PRH1: variants seen among roughly 807,000 people sequenced by gnomAD.
PRH1 encodes the protein salivary acidic proline-rich phosphoprotein 1/2.
In PRH1, 7 loss-of-function variants were observed where a neutral mutation model predicts 7.9. The ratio of observed to expected loss-of-function variants is 0.89; its 90% CI spans 0.50 to 1.67. The LOEUF is 1.67. Among genes scored for constraint, PRH1 ranks in the 40% most tolerant of loss-of-function variants. PRH1 has a pLI of 0.00. For synonymous variants in PRH1, 45 were observed against 80.8 expected (o/e 0.56, Z 2.38); for missense variants, 109 against 223.6 (o/e 0.49, Z 3.27).
chr12:11,066,544 T>C (rs1427543535), intron 1 of PRH1, among the ~76,000 whole-genome samples: 6 of 126,894 alleles, frequency 4.7e-5, no homozygotes, highest in African/African-American at 1.4e-4. Flanking sequence ...TTTACTCCTG[T>C]AACTTTCCCA....
rs867727915 is a variant in PRH1, at chr12:11,148,681, C to T, written n.39+22741G>A. ...AAGCTTTTTGATGTGCTGCTGGATT[C>T]GGTTTGCCAGTATTTTATTGAGGAT... On this transcript the variant is annotated intron_variant and non_coding_transcript_variant, in intron 1 of 1. Coordinates refer to the PRH1 transcript ENST00000541175. 1.0e-4 allele frequency among the ~76,000 whole-genome samples: 12 copies of T among 116,366 alleles called. 1 individual carries two copies. Among genetic ancestry groups the T allele is most frequent in the South Asian group, 2.4e-4 (1 of 4,120 alleles). The allele number at this position is 116,366 out of a possible 152,430, so 76.3% of individuals were successfully genotyped here.
intron 2 of PRH1, among the ~76,000 whole-genome samples, chr12:10,947,374 T>C (rs567036795): frequency 1.3e-5 from 2 of 152,330 alleles, no homozygotes; most frequent in East Asian, 1.9e-4. Context: ...TTTACCATTA[T>C]GTTATATCCT....
rs775547728 is a variant in PRH1, at chr12:11,133,461, T to A, written n.40-12281A>T. ...CTGAATATAATAGCTTGGCAGAACA[T>A]GAAGACAGGTTGCTTTTCCAGCCTC... On this transcript the variant is annotated intron_variant and non_coding_transcript_variant, in intron 1 of 1. Transcript: ENST00000541175. The A allele has an allele frequency of 1.2e-6, 2 of 1,614,088 alleles. No homozygotes were observed. The highest frequency in any genetic ancestry group is 1.7e-6 in the Non-Finnish European group (2 of 1,179,956).
chr12:10,958,335 A>G (rs1392497863), intron 2 of PRH1, among the ~76,000 whole-genome samples: 5 of 152,166 alleles, frequency 3.3e-5, no homozygotes, highest in African/African-American at 7.2e-5. Context: ...GTTCTCACTT[A>G]TAAGTGGGTG....
chr12:10,968,608 A>T (rs1261687501), intron 2 of PRH1, among the ~76,000 whole-genome samples: 1 of 152,236 alleles, frequency 6.6e-6, no homozygotes, highest in Non-Finnish European at 1.5e-5. Context: ...CCTTTGATGG[A>T]GGACATTTCC....
intron 1 of PRH1, among the ~76,000 whole-genome samples, chr12:11,070,748 A>G (rs1371077531): frequency 1.7e-5 from 2 of 119,086 alleles, no homozygotes; most frequent in African/African-American, 2.8e-5. Context: ...AACTAACACT[A>G]ATTATCTAGG....
chr12:11,143,567 T>C (rs145440015), intron 1 of PRH1, among the ~76,000 whole-genome samples: 32 of 152,226 alleles, frequency 2.1e-4, no homozygotes, highest in African/African-American at 7.5e-4. Flanking sequence ...AGGCATAGTC[T>C]AGCTAATCAG....
At chr12:11,084,865 T>A (rs866217070) in intron 1 of PRH1, among the ~76,000 whole-genome samples, 8 of 110,838 alleles carry the variant, frequency 7.2e-5, no homozygotes, top group African/African-American at 2.4e-4. Context: ...CAGGCTGGAG[T>A]GCAGTGGCAT....
At chr12:11,145,140 T>C (rs974481047) in intron 1 of PRH1, among the ~76,000 whole-genome samples, 3 of 152,170 alleles carry the variant, frequency 2.0e-5, no homozygotes, top group Non-Finnish European at 4.4e-5. Context: ...CTGTAGTGTT[T>C]ATTGTTCCAT....
At chr12:10,991,648 G>A (rs1462781243) in intron 1 of PRH1, among the ~76,000 whole-genome samples, 1 of 151,830 alleles carries the variant, frequency 6.6e-6, no homozygotes, top group Admixed American at 6.6e-5. Flanking sequence ...GAACCATGTG[G>A]CTACATTATC....
chr12:10,927,783 C>G (rs1446328990), intron 2 of PRH1, among the ~76,000 whole-genome samples: 1 of 152,210 alleles, frequency 6.6e-6, no homozygotes, highest in Non-Finnish European at 1.5e-5. Context: ...CAAATAAACA[C>G]TAGCCGTGCA....
At chr12:11,051,757 T>C (rs947290484), upstream of PRH1, among the ~76,000 whole-genome samples, 1 of 152,234 alleles carries the variant, frequency 6.6e-6, no homozygotes, top group Non-Finnish European at 1.5e-5. Context: ...TTCGTATTCA[T>C]GGCTTCCTGT....
At chr12:11,048,025 A>G (rs1481525999), upstream of PRH1, among the ~76,000 whole-genome samples, 1 of 152,188 alleles carries the variant, frequency 6.6e-6, no homozygotes, top group Non-Finnish European at 1.5e-5. Flanking sequence ...CTTCACATGA[A>G]ATACCATAGG....
chr12:11,150,319 G>T (rs1947030895), intron 1 of PRH1, among the ~76,000 whole-genome samples: 1 of 151,880 alleles, frequency 6.6e-6, no homozygotes. Flanking sequence ...CCCATTACTG[G>T]GTATAAACCC....
chr12:11,123,052 G>A (rs552970709), intron 1 of PRH1, among the ~76,000 whole-genome samples: 27 of 151,892 alleles, frequency 1.8e-4, no homozygotes, highest in African/African-American at 6.1e-4. Context: ...CAATAGCTTC[G>A]TTTGGTCTGC....
intron 1 of PRH1, among the ~76,000 whole-genome samples, chr12:11,013,048 C>T (rs942546626): frequency 6.6e-6 from 1 of 152,142 alleles, no homozygotes. Context: ...AACTTATATA[C>T]TCAGTGCAAT....
intron 2 of PRH1, among the ~76,000 whole-genome samples, chr12:10,967,458 C>T (rs1179611750): frequency 6.6e-6 from 1 of 152,156 alleles, no homozygotes; most frequent in Non-Finnish European, 1.5e-5. Context: ...TTGCAAAGAG[C>T]CTAGGTCCAC....
At chr12:10,883,156 G>A (rs539895440) in intron 1 of PRH1, 60 bp from the exon 2 acceptor site, 2 of 1,571,096 alleles carry the variant, frequency 1.3e-6, no homozygotes, top group East Asian at 2.2e-5. Context: ...AAGGCTCATA[G>A]TGTTCTACGA....
At chr12:11,003,868 C>T (rs1940705572) in intron 1 of PRH1, among the ~76,000 whole-genome samples, 1 of 151,906 alleles carries the variant, frequency 6.6e-6, no homozygotes, top group South Asian at 2.1e-4. Context: ...TCTTTGTAAA[C>T]ATGTCCCTCT....
Sources: allele counts gnomAD v4.1 joint callset (sites outside exome capture counted in the v4.1 genomes callset), GRCh38; gene constraint gnomAD v4.1.1; transcripts MANE v1.5; gene names NCBI Gene and HGNC (gene_info 2026-07-23, HGNC 2026-07-21).